The following AKAP8L variants were observed in gnomAD, a reference collection of about 807,000 sequenced individuals.
AKAP8L encodes the protein A-kinase anchor protein 8-like.
In AKAP8L, 34 loss-of-function variants were observed where a neutral mutation model predicts 77.5. The ratio of observed to expected loss-of-function variants is 0.44; its 90% confidence interval spans 0.33 to 0.58. The LOEUF (loss-of-function observed/expected upper bound fraction) is 0.58, where lower values mean the gene tolerates loss of function less well. Among genes scored for constraint, AKAP8L ranks in the 20% least tolerant of loss-of-function variants. AKAP8L has a pLI of 0.02. For missense variants in AKAP8L, 806 were observed against 887.6 expected (o/e 0.91, Z 1.17); for synonymous variants, 342 against 340.7 (o/e 1.00, Z -0.04).
intron 12 of AKAP8L, among the ~76,000 whole-genome samples, chr19:15,391,899 G>A (rs910704297): frequency 4.6e-5 from 7 of 152,084 alleles, no homozygotes; most frequent in African/African-American, 1.7e-4. Flanking sequence ...TGCATGGTAG[G>A]ATCATAGCTC....
Position 15,403,247 on chromosome 19 carries a change from G to A in AKAP8L, c.362+228C>T, listed in dbSNP as rs1349933632. 1.3e-5 allele frequency: 7 copies of A among 558,882 alleles called. No homozygotes were observed. The highest frequency in any genetic ancestry group is 4.8e-4 in the Middle Eastern group (1 of 2,100). The allele number at this position is 558,882 out of a possible 1,614,324, so 34.6% of individuals were successfully genotyped here. On this transcript the variant is annotated intron_variant, in intron 4 of 13. Transcript: ENST00000397410. The surrounding 1 kb of genome is among the most constrained non-coding windows in gnomAD (Gnocchi z 4.3). Reference sequence around the variant, plus strand: ...CCAGTCTGGGCTTGTTCCTCTCACCGCAAGCTGGGAAAGGCTGACCACCAG... The same window carrying A: ...CCAGTCTGGGCTTGTTCCTCTCACCACAAGCTGGGAAAGGCTGACCACCAG...
chr19:15,401,633 GA>G lies in AKAP8L; in HGVS notation c.363-31del, dbSNP rs1195615272. 1 of 1,509,168 alleles carries G rather than the reference GA, an allele frequency of 6.6e-7. No individual in the cohort carries two copies. The allele number at this position is 1,509,168 out of a possible 1,614,324, so 93.5% of individuals were successfully genotyped here. On this transcript the variant is annotated intron_variant, in intron 4 of 13. Coordinates refer to ENST00000397410, the MANE Select transcript of AKAP8L (RefSeq NM_014371.4). The surrounding 1 kb of genome is among the most constrained non-coding windows in gnomAD (Gnocchi z 6.2). Reference sequence around the variant, plus strand: ...AGAGGCATGGGGTGAGCATCAGGTGGAGCCCCTCAGGATCCCTCACCTCCAG... The same window carrying G: ...AGAGGCATGGGGTGAGCATCAGGTGGGCCCCTCAGGATCCCTCACCTCCAG...
intron 12 of AKAP8L, among the ~76,000 whole-genome samples, chr19:15,395,635 G>A (rs1967754526): frequency 2.0e-5 from 3 of 151,190 alleles, no homozygotes; most frequent in South Asian, 4.2e-4. Context: ...TTTCATTAAT[G>A]ACATATAGTT....
chr19:15,381,396 T>A (rs1967413448), intron 12 of AKAP8L, among the ~76,000 whole-genome samples: 1 of 152,194 alleles, frequency 6.6e-6, no homozygotes, highest in Non-Finnish European at 1.5e-5. Context: ...TATAGTACTG[T>A]CTGCAGAGCA....
At chr19:15,400,662 A>G in intron 7 of AKAP8L, 132 bp downstream of exon 7, 1 of 1,162,228 alleles carries the variant, frequency 8.6e-7, no homozygotes, top group Non-Finnish European at 1.2e-6. Context: ...GCCAGACCAC[A>G]CTGCCTCCCC....
intron 12 of AKAP8L, among the ~76,000 whole-genome samples, chr19:15,396,288 C>A (rs1967775098): frequency 6.6e-6 from 1 of 152,016 alleles, no homozygotes. Context: ...GACAGCCAAG[C>A]CCCTCTTTGG....
chr19:15,404,228 GC>G (rs1326122431), intron 2 of AKAP8L, 186 bp from the exon 3 acceptor site: 1 of 602,278 alleles, frequency 1.7e-6, no homozygotes, highest in Non-Finnish European at 2.9e-6. Flanking sequence ...GTGCCTGGCT[GC>G]CTGTGGCTCT....
In AKAP8L at chr19:15,380,155, C is replaced by G; in HGVS notation, c.1908G>C (p.Glu636Asp). Residue 636 changes from glutamate (E) to aspartate (D), a missense_variant, in exon 14 of 14, where the codon GAG (glutamate) becomes GAC (aspartate). Transcript: ENST00000397410. Reference sequence around the variant, plus strand: ...CGCCCCCGCCGCCCTCCTCGTCGTCCTCCACGTCGAGGCCCGGGATGCCGC... The same window carrying G: ...CGCCCCCGCCGCCCTCCTCGTCGTCGTCCACGTCGAGGCCCGGGATGCCGC... The part of the protein sequence containing the change: ...QIRGIPGLDV[E>D]DDEEGGGGAP 1 of 1,503,970 alleles carries G rather than the reference C, an allele frequency of 6.6e-7. No individual in the cohort carries two copies. The highest frequency in any genetic ancestry group is 8.8e-7 in the Non-Finnish European group (1 of 1,135,156). The allele number at this position is 1,503,970 out of a possible 1,614,324, so 93.2% of individuals were successfully genotyped here.
At chr19:15,391,441 G>A (rs1464909354) in intron 12 of AKAP8L, among the ~76,000 whole-genome samples, 2 of 87,680 alleles carry the variant, frequency 2.3e-5, no homozygotes, top group Admixed American at 3.6e-4. Flanking sequence ...CAGGGCGACA[G>A]AGTGAGACTC....
intron 1 of AKAP8L, among the ~76,000 whole-genome samples, chr19:15,412,045 T>C (rs1180110313): frequency 4.6e-5 from 7 of 152,148 alleles, no homozygotes; most frequent in Admixed American, 3.9e-4. Flanking sequence ...CTGTCTCTAC[T>C]AAAAATACAA....
At chr19:15,393,514 T>C (rs543748972) in intron 12 of AKAP8L, among the ~76,000 whole-genome samples, 6 of 152,112 alleles carry the variant, frequency 3.9e-5, no homozygotes, top group African/African-American at 1.4e-4. Context: ...TCTCCAAAGA[T>C]ACAAAAATGG....
intron 12 of AKAP8L, among the ~76,000 whole-genome samples, chr19:15,381,729 C>T (rs999001551): frequency 1.3e-5 from 2 of 152,088 alleles, no homozygotes; most frequent in Non-Finnish European, 2.9e-5. Context: ...TACTATAGAC[C>T]GTTCCCCCAG....
chr19:15,395,595 G>A (rs1458534804), intron 12 of AKAP8L, among the ~76,000 whole-genome samples: 2 of 150,918 alleles, frequency 1.3e-5, no homozygotes, highest in South Asian at 2.1e-4. Flanking sequence ...TTACACGCGT[G>A]AGCCACCACG....
rs917802986 is a variant in AKAP8L at position 15,384,666 on chromosome 19, G to GT, written c.1537-4055dup. On this transcript the variant is annotated intron_variant, in intron 12 of 13. Coordinates refer to ENST00000397410, the MANE Select transcript of AKAP8L (RefSeq NM_014371.4). Reference sequence around the variant, plus strand: ...ATACATTGTGTGGTTATTTTAAGTAGTTTTTTTTCCATTTAAATTTCTAAC... The same window carrying GT: ...ATACATTGTGTGGTTATTTTAAGTAGTTTTTTTTTCCATTTAAATTTCTAAC... 3.9e-5 allele frequency among the ~76,000 whole-genome samples: 6 copies of GT among 152,092 alleles called. No homozygotes were observed. In the South Asian group the frequency reaches 6.2e-4, roughly 16 times the overall value.
chr19:15,385,991 A>G (rs1026842944), intron 12 of AKAP8L, among the ~76,000 whole-genome samples: 1 of 149,198 alleles, frequency 6.7e-6, no homozygotes, highest in Non-Finnish European at 1.5e-5. Flanking sequence ...GCTCACTGCA[A>G]CCTCCGCCTC....
intron 2 of AKAP8L, among the ~76,000 whole-genome samples, chr19:15,405,402 G>A (rs1967976663): frequency 6.6e-6 from 1 of 151,912 alleles, no homozygotes; most frequent in African/African-American, 2.4e-5. Context: ...GCGTGGTGGT[G>A]CACACCTGTA....
intron 2 of AKAP8L, among the ~76,000 whole-genome samples, chr19:15,408,149 G>A (rs1476679568): frequency 4.0e-5 from 6 of 151,304 alleles, no homozygotes; most frequent in South Asian, 2.1e-4. Flanking sequence ...CAAAAAGACC[G>A]TGCTGCTGAA....
At chr19:15,385,038 C>T (rs997957920) in intron 12 of AKAP8L, among the ~76,000 whole-genome samples, 6 of 150,928 alleles carry the variant, frequency 4.0e-5, no homozygotes, top group Middle Eastern at 3.4e-3. Flanking sequence ...AGTGCAGTGG[C>T]GGGATCTCGG....
intron 12 of AKAP8L, among the ~76,000 whole-genome samples, chr19:15,389,859 CA>C (rs917415588): frequency 2.6e-5 from 4 of 151,924 alleles, no homozygotes; most frequent in Non-Finnish European, 2.9e-5. Context: ...GAGTCAAAGA[CA>C]GGGGAAAAAT....
Sources: gnomAD v4.1 joint callset for allele counts (sites outside exome capture counted in the v4.1 genomes callset) on GRCh38, gnomAD v4.1.1 for gene constraint, Gnocchi (gnomAD v3.1) non-coding constraint, MANE v1.5 for transcripts, NCBI Gene and HGNC (gene_info 2026-07-23, HGNC 2026-07-21) for gene names.